RAB20: variants seen among roughly 807,000 people sequenced by gnomAD.
RAB20 encodes RAB20, member RAS oncogene family, also known as ras-related protein Rab-20.
RAB20 carries 2 observed loss-of-function variants against 3.7 expected under a neutral mutation model. The ratio of observed to expected loss-of-function variants is 0.54; its 90% CI spans 0.22 to 1.69. The LOEUF is 1.69. Among genes scored for constraint, RAB20 ranks in the 40% most tolerant of loss-of-function variants. RAB20 has a pLI of 0.19. For missense variants in RAB20, 276 were observed against 311.9 expected, an observed-to-expected ratio of 0.88 and a Z score of 0.87; for synonymous variants, 126 against 130.8, an observed-to-expected ratio of 0.96 and a Z score of 0.25.
Position 110,523,143 on chromosome 13 carries a change from T to C in RAB20, c.*522A>G. ...ATCAGTATAAAAACAAAGTTATTCC[T>C]GATTTTGTATAAATGAACACGTCGA... On this transcript the variant is annotated 3_prime_UTR_variant, in exon 2 of 2. Coordinates refer to ENST00000267328, the MANE Select transcript of RAB20 (RefSeq NM_017817.3). 1 of 399,232 alleles carries C rather than the reference T, an allele frequency of 2.5e-6. No individual in the cohort carries two copies. Among genetic ancestry groups the C allele is most frequent in the Non-Finnish European group, 4.4e-6 (1 of 227,052 alleles). 24.7% of individuals were successfully genotyped at this position (399,232 alleles called of 1,614,324 possible).
chr13:110,542,506 C>T (rs2479433), intron 1 of RAB20, among the ~76,000 whole-genome samples: 49,533 of 151,846 alleles, frequency 0.33, 8,842 homozygotes, highest in African/African-American at 0.47. Flanking sequence ...CCTGCCAGCT[C>T]CTTGTAACCA....
At chr13:110,561,268 G>T in intron 1 of RAB20, 80 bp downstream of exon 1, 1 of 1,440,068 alleles carries the variant, frequency 6.9e-7, no homozygotes, top group South Asian at 1.4e-5. Context: ...GTGCGCGGCC[G>T]GGTGCCCTGC....
intron 1 of RAB20, 44 bp downstream of exon 1, chr13:110,561,304 G>C: frequency 6.6e-7 from 1 of 1,515,040 alleles, no homozygotes; most frequent in Non-Finnish European, 8.8e-7. Context: ...CCCCGTCCCC[G>C]GCGGAGCCCC....
intron 1 of RAB20, among the ~76,000 whole-genome samples, chr13:110,549,581 G>T (rs530899332): frequency 2.9e-4 from 44 of 152,316 alleles, no homozygotes; most frequent in Middle Eastern, 3.4e-3. Flanking sequence ...CTGATTGTGG[G>T]TCATTAGACC....
chr13:110,525,669 T>G (rs1884415970), intron 1 of RAB20, among the ~76,000 whole-genome samples: 1 of 152,188 alleles, frequency 6.6e-6, no homozygotes, highest in Non-Finnish European at 1.5e-5. Context: ...ACAGGTGCAG[T>G]GCACGCAGCA....
At chr13:110,526,479 G>C (rs1231322428) in intron 1 of RAB20, among the ~76,000 whole-genome samples, 1 of 152,142 alleles carries the variant, frequency 6.6e-6, no homozygotes, top group Non-Finnish European at 1.5e-5. Context: ...ATCATTGGCA[G>C]CTTCTAAATT....
intron 1 of RAB20, among the ~76,000 whole-genome samples, chr13:110,560,338 G>C (rs537382793): frequency 1.3e-5 from 2 of 152,166 alleles, no homozygotes; most frequent in Non-Finnish European, 1.5e-5. Context: ...GGGGAGAACT[G>C]GAAGTACCTC....
intron 1 of RAB20, among the ~76,000 whole-genome samples, chr13:110,543,321 G>A (rs1884798165): frequency 6.6e-6 from 1 of 152,032 alleles, no homozygotes; most frequent in South Asian, 2.1e-4. Context: ...TGTAGAGACA[G>A]GGTCTCACTA....
At chr13:110,539,543 G>GT (rs1193495211) in intron 1 of RAB20, among the ~76,000 whole-genome samples, 11 of 69,288 alleles carry the variant, frequency 1.6e-4, no homozygotes, top group African/African-American at 1.0e-3. Flanking sequence ...TTTGTTTTTT[G>GT]TTTTTGTTTT....
intron 1 of RAB20, among the ~76,000 whole-genome samples, chr13:110,540,723 C>G (rs1007066064): frequency 4.3e-5 from 6 of 140,526 alleles, no homozygotes; most frequent in African/African-American, 1.6e-4. Context: ...GCCTGGGCAA[C>G]GAGAGTGAAA....
Position 110,538,944 on chromosome 13 carries a change from G to A in RAB20, c.173-14747C>T, listed in dbSNP as rs549016298. Among the ~76,000 whole-genome samples, 20 of 152,256 alleles carry A rather than the reference G, an allele frequency of 1.3e-4. No homozygotes were observed. The East Asian group carries it at 2.1e-3, about 16-fold the overall frequency. On this transcript the variant is annotated intron_variant, in intron 1 of 1. Transcript: ENST00000267328. The stretch of plus-strand genomic sequence containing the variant: ...CTCAATTGTACCAAGAAAATACTCT[G>A]AGCCAACATCCAGCAGCCGGATATG...
intron 1 of RAB20, among the ~76,000 whole-genome samples, chr13:110,544,598 G>A (rs1023947451): frequency 3.9e-5 from 6 of 152,184 alleles, no homozygotes; most frequent in Non-Finnish European, 7.3e-5. Flanking sequence ...TGCAATGAAG[G>A]AGCCAGACCT....
intron 1 of RAB20, among the ~76,000 whole-genome samples, chr13:110,530,731 A>G (rs1286617149): frequency 4.5e-5 from 6 of 133,408 alleles, no homozygotes; most frequent in East Asian, 2.6e-4. Flanking sequence ...GCCCTAGGGA[A>G]GTAGGTCCCA....
At chr13:110,546,492 C>A (rs1173677630) in intron 1 of RAB20, among the ~76,000 whole-genome samples, 1 of 152,166 alleles carries the variant, frequency 6.6e-6, no homozygotes, top group Non-Finnish European at 1.5e-5. Flanking sequence ...CAGTTCCAAC[C>A]CACAAGGAAG....
chr13:110,554,022 G>A (rs1477883094), intron 1 of RAB20, among the ~76,000 whole-genome samples: 1 of 152,134 alleles, frequency 6.6e-6, no homozygotes, highest in Non-Finnish European at 1.5e-5. Context: ...GGCTGAGGTG[G>A]GAGGATTGCT....
At chr13:110,533,926 G>A (rs1433106121) in intron 1 of RAB20, among the ~76,000 whole-genome samples, 5 of 152,140 alleles carry the variant, frequency 3.3e-5, no homozygotes, top group African/African-American at 1.2e-4. Flanking sequence ...GCAGGCAAGG[G>A]CCCCACGCAG....
intron 1 of RAB20, 51 bp from the exon 2 acceptor site, chr13:110,524,248 T>C (rs778755741): frequency 1.2e-5 from 19 of 1,520,008 alleles, no homozygotes; most frequent in East Asian, 4.5e-5. Flanking sequence ...TCTCAGAACA[T>C]AGCCACCAGC....
chr13:110,552,549 T>C (rs546735281), intron 1 of RAB20, among the ~76,000 whole-genome samples: 184 of 149,352 alleles, frequency 1.2e-3, no homozygotes, highest in African/African-American at 4.2e-3. Flanking sequence ...AAAAATTAGC[T>C]GGGCGCGGTG....
At chr13:110,524,293 T>C in intron 1 of RAB20, 96 bp from the exon 2 acceptor site, 1 of 1,445,844 alleles carries the variant, frequency 6.9e-7, no homozygotes, top group South Asian at 1.4e-5. Context: ...GGGATGTTTA[T>C]TTTTAGGGCA....
Sources: gnomAD v4.1 joint callset for allele counts (sites outside exome capture counted in the v4.1 genomes callset) on GRCh38, gnomAD v4.1.1 for gene constraint, MANE v1.5 for transcripts, NCBI Gene and HGNC (gene_info 2026-07-23, HGNC 2026-07-21) for gene names.